HS6ST2: variants seen among roughly 807,000 people sequenced by gnomAD.
HS6ST2 encodes the protein heparan-sulfate 6-O-sulfotransferase 2.
In HS6ST2, 17 loss-of-function variants were observed where a neutral mutation model predicts 33.0. The observed-to-expected ratio is 0.52, with a 90% CI of 0.35 to 0.77. The LOEUF is 0.77. Ranked by LOEUF, HS6ST2 falls within the 30% of genes least tolerant of loss-of-function variation. HS6ST2 has a pLI of 0.01. For synonymous variants in HS6ST2, 248 were observed against 237.1 expected, an observed-to-expected ratio of 1.05 and a Z score of -0.42; for missense variants, 519 against 551.7, an observed-to-expected ratio of 0.94 and a Z score of 0.59.
At chrX:132,927,636 A>G (rs2148483662) in intron 2 of HS6ST2, among the ~76,000 whole-genome samples, 1 of 111,262 alleles carries the variant, frequency 9.0e-6, no homozygotes, top group Non-Finnish European at 1.9e-5. Flanking sequence ...CCATACTTGC[A>G]TTGCTATAAA....
intron 4 of HS6ST2, among the ~76,000 whole-genome samples, chrX:132,643,890 A>C (rs180771261): frequency 1.5e-3 from 170 of 111,850 alleles, no homozygotes; most frequent in African/African-American, 5.2e-3. Flanking sequence ...TCAAGTCATC[A>C]TTTACTGTGA....
At chrX:132,658,095 G>A (rs770191752) in intron 4 of HS6ST2, among the ~76,000 whole-genome samples, 141 of 110,446 alleles carry the variant, frequency 1.3e-3, no homozygotes, top group Non-Finnish European at 1.6e-3. Context: ...CCAAAACAGC[G>A]AAACTCTTTA....
At chrX:132,787,155 GTATATATATATGTATATATA>G (rs2065069229) in intron 2 of HS6ST2, among the ~76,000 whole-genome samples, 1 of 57,485 alleles carries the variant, frequency 1.7e-5, no homozygotes, top group Non-Finnish European at 3.2e-5. Context: ...GTGTGTGTGT[GTATATATATATGTATATATA>G]TATATATATA....
intron 2 of HS6ST2, among the ~76,000 whole-genome samples, chrX:132,780,057 G>A (rs1448651862): frequency 9.0e-6 from 1 of 110,848 alleles, no homozygotes; most frequent in Non-Finnish European, 1.9e-5. Context: ...TACGGGGGAG[G>A]CATCAGAAAC....
chrX:132,945,084 A>G (rs1204895588), intron 2 of HS6ST2, among the ~76,000 whole-genome samples: 2 of 112,169 alleles, frequency 1.8e-5, no homozygotes, highest in East Asian at 2.8e-4. Context: ...AGAATGGGGG[A>G]AAATTTTTGC....
At chrX:132,830,026 C>G (rs760796396) in intron 2 of HS6ST2, among the ~76,000 whole-genome samples, 2 of 111,410 alleles carry the variant, frequency 1.8e-5, no homozygotes, top group Non-Finnish European at 3.8e-5. Flanking sequence ...TGTCTGTGAA[C>G]AACATAGCCA....
chrX:132,913,934 T>C (rs1207764621), intron 2 of HS6ST2, among the ~76,000 whole-genome samples: 3 of 111,828 alleles, frequency 2.7e-5, no homozygotes, highest in African/African-American at 9.8e-5. Flanking sequence ...CAGGATTATA[T>C]ATTGTCCTGG....
intron 2 of HS6ST2, among the ~76,000 whole-genome samples, chrX:132,817,620 G>A (rs754696757): frequency 8.0e-5 from 9 of 112,050 alleles, no homozygotes; most frequent in East Asian, 2.8e-4. Flanking sequence ...ACACAGAGCC[G>A]GCAGTGTGCA....
chrX:132,812,405 AAATAATAAT>A (rs55880539), intron 2 of HS6ST2, among the ~76,000 whole-genome samples: 11,385 of 84,748 alleles, frequency 0.13, 786 homozygotes, highest in East Asian at 0.43. Flanking sequence ...ACTCTGTCTC[AAATAATAAT>A]AATAATAATA....
intron 2 of HS6ST2, among the ~76,000 whole-genome samples, chrX:132,908,357 T>C (rs2066496106): frequency 8.9e-6 from 1 of 112,196 alleles, no homozygotes; most frequent in Admixed American, 9.5e-5. Flanking sequence ...AGCCTGACAA[T>C]TCCTCAAATG....
intron 2 of HS6ST2, among the ~76,000 whole-genome samples, chrX:132,865,266 T>C (rs2065960336): frequency 1.8e-5 from 2 of 109,851 alleles, no homozygotes; most frequent in Non-Finnish European, 3.8e-5. Context: ...CTGAGAATGA[T>C]GATTTCCAAT....
At chrX:132,960,122 G>A (rs769964396), upstream of HS6ST2, among the ~76,000 whole-genome samples, 1 of 112,181 alleles carries the variant, frequency 8.9e-6, no homozygotes, top group African/African-American at 3.2e-5. Flanking sequence ...GAACTTGTGC[G>A]AAGAAGCCAG....
At chrX:132,702,382 C>T (rs961167665) in intron 3 of HS6ST2, among the ~76,000 whole-genome samples, 1 of 112,441 alleles carries the variant, frequency 8.9e-6, no homozygotes, top group Non-Finnish European at 1.9e-5. Context: ...AAAGGATTAG[C>T]ATCCATTTAT....
Position 132,781,261 on chromosome X carries a change from C to T in HS6ST2, c.948-72767G>A, listed in dbSNP as rs1034312590. 1.3e-4 allele frequency among the ~76,000 whole-genome samples: 15 copies of T among 111,683 alleles called. No homozygotes were observed. In the Admixed American group the frequency reaches 1.4e-3, roughly 11 times the overall value. The stretch of plus-strand genomic sequence containing the variant: ...AGGCTAGGTAGACATAGAATAACTT[C>T]GTATGTCCTAAGTGTAATATTCAAG... On this transcript the variant is annotated intron_variant, in intron 2 of 4. Transcript: ENST00000370833.
chrX:132,830,971 A>G (rs2065583785), intron 2 of HS6ST2, among the ~76,000 whole-genome samples: 2 of 112,089 alleles, frequency 1.8e-5, no homozygotes, highest in African/African-American at 3.2e-5. Flanking sequence ...GCAGAATACA[A>G]AAGAAGGTAG....
Position 132,628,180 on chromosome X carries a change from A to G in HS6ST2, c.*43T>C, listed in dbSNP as rs1473968023. On this transcript the variant is annotated 3_prime_UTR_variant, in exon 5 of 5. Coordinates refer to ENST00000370833, the MANE Select transcript of HS6ST2 (RefSeq NM_001394073.1). Reference sequence around the variant, plus strand: ...ATCTTTTAAGCTATGCCATCTTTTCAGTGGCGCTTTGGGAGAAGTATGTAC... The same window carrying G: ...ATCTTTTAAGCTATGCCATCTTTTCGGTGGCGCTTTGGGAGAAGTATGTAC... 1.1e-6 allele frequency: 1 copy of G among 916,755 alleles called. No homozygotes were observed. Among genetic ancestry groups the G allele is most frequent in the Non-Finnish European group, 1.5e-6 (1 of 666,349 alleles). The allele number at this position is 916,755 out of a possible 1,213,427, so 75.6% of individuals were successfully genotyped here. A position where few individuals can be genotyped will look rare whatever the true frequency, so the allele number is the denominator to read the frequency against.
At chrX:132,829,658 C>T (rs1379994346) in intron 2 of HS6ST2, among the ~76,000 whole-genome samples, 1 of 111,565 alleles carries the variant, frequency 9.0e-6, no homozygotes, top group African/African-American at 3.3e-5. Context: ...TATCAAGGGC[C>T]TTAAAAGAGG....
At chrX:132,709,812 A>AACACACACACACACACACAC (rs60459374) in intron 2 of HS6ST2, among the ~76,000 whole-genome samples, 368 of 92,208 alleles carry the variant, frequency 4.0e-3, no homozygotes, top group African/African-American at 0.013. Flanking sequence ...GAAAAGACAA[A>AACACACACACACACACACAC]ACACACACAC....
At chrX:132,898,631 G>C (rs2066400121) in intron 2 of HS6ST2, among the ~76,000 whole-genome samples, 1 of 110,478 alleles carries the variant, frequency 9.1e-6, no homozygotes, top group Non-Finnish European at 1.9e-5. Context: ...CCTCAGAGAA[G>C]GGGAACAAGT....
Sources: gnomAD v4.1 joint callset for allele counts (sites outside exome capture counted in the v4.1 genomes callset) on GRCh38, gnomAD v4.1.1 for gene constraint, MANE v1.5 for transcripts, NCBI Gene and HGNC (gene_info 2026-07-23, HGNC 2026-07-21) for gene names.